Variants in ZNF793 observed in about 807,000 individuals in gnomAD.
The protein encoded by ZNF793 is zinc finger protein 793.
In ZNF793, 5 loss-of-function variants were observed where a neutral mutation model predicts 12.4. The observed-to-expected ratio is 0.40, with a 90% CI of 0.21 to 0.84. The LOEUF is 0.84. ZNF793 is among the 40% of genes least tolerant of loss of function. ZNF793 has a pLI of 0.35. For synonymous variants in ZNF793, 162 were observed against 172.4 expected (o/e 0.94, Z 0.47); for missense variants, 456 against 495.0 (o/e 0.92, Z 0.75).
chr19:37,542,825 T>C lies in ZNF793; in HGVS notation c.*4946T>C, dbSNP rs1424671783. 6.4e-6 allele frequency: 1 copy of C among 156,228 alleles called. No individual in the cohort carries two copies. The highest frequency in any genetic ancestry group is 1.8e-4 in the East Asian group (1 of 5,446). 9.7% of individuals were successfully genotyped at this position (156,228 alleles called of 1,614,324 possible). A position where few individuals can be genotyped will look rare whatever the true frequency, so the allele number is the denominator to read the frequency against. On this transcript the variant is annotated 3_prime_UTR_variant, in exon 8 of 8. Transcript: ENST00000627814. ...GTTTGTCAGCAATAAACGGTATCTA[T>C]ATATGTTTATTTGATTTTATGTGCA...
chr19:37,536,381 G>T (rs1028854141), intron 7 of ZNF793: 9 of 399,150 alleles, frequency 2.3e-5, no homozygotes, highest in African/African-American at 1.6e-4. Context: ...CAAGCTCCAA[G>T]TAAGGCCAAA....
intron 2 of ZNF793, among the ~76,000 whole-genome samples, chr19:37,515,807 C>T (rs2042327596): frequency 1.3e-5 from 2 of 152,164 alleles, no homozygotes; most frequent in Admixed American, 1.3e-4. Flanking sequence ...GATTGGAAGA[C>T]TCGACAATTT....
At chr19:37,520,968 C>G (rs1443928320) in intron 3 of ZNF793, among the ~76,000 whole-genome samples, 1 of 151,458 alleles carries the variant, frequency 6.6e-6, no homozygotes, top group Non-Finnish European at 1.5e-5. Context: ...GAATTACAGA[C>G]ATGCACCACC....
intron 3 of ZNF793, among the ~76,000 whole-genome samples, chr19:37,521,417 A>C (rs1222334429): frequency 7.1e-6 from 1 of 141,518 alleles, no homozygotes; most frequent in Non-Finnish European, 1.5e-5. Context: ...ATCACCATGC[A>C]TGGTCAATTC....
intron 3 of ZNF793, 116 bp downstream of exon 3, chr19:37,520,428 C>G (rs534569139): frequency 6.6e-6 from 1 of 152,356 alleles, no homozygotes. Flanking sequence ...CACTCAGACC[C>G]CATACCTCTT....
At chr19:37,515,446 C>A (rs1014711640) in intron 2 of ZNF793, among the ~76,000 whole-genome samples, 1 of 151,898 alleles carries the variant, frequency 6.6e-6, no homozygotes, top group East Asian at 1.9e-4. Flanking sequence ...TAGCTAGGAC[C>A]ACAGGTGCCC....
intron 7 of ZNF793, 39 bp downstream of exon 7, chr19:37,533,442 G>A: frequency 1.3e-6 from 2 of 1,570,526 alleles, no homozygotes; most frequent in Non-Finnish European, 1.8e-6. Flanking sequence ...TACTGAAGGA[G>A]GCTGGCACCT....
chr19:37,523,506 G>A, intron 5 of ZNF793, 52 bp downstream of exon 5: 1 of 1,578,532 alleles, frequency 6.3e-7, no homozygotes, highest in South Asian at 1.1e-5. Context: ...AACTGTCCTA[G>A]AGGAAAAAAA....
intron 3 of ZNF793, among the ~76,000 whole-genome samples, chr19:37,520,980 T>G (rs2042370380): frequency 6.6e-6 from 1 of 151,838 alleles, no homozygotes; most frequent in Non-Finnish European, 1.5e-5. Flanking sequence ...TGCACCACCA[T>G]GCCCGGCTAA....
At chr19:37,517,662 C>T (rs976548363) in intron 2 of ZNF793, among the ~76,000 whole-genome samples, 2 of 151,938 alleles carry the variant, frequency 1.3e-5, no homozygotes, top group East Asian at 1.9e-4. Flanking sequence ...GAGTAGGACT[C>T]GGTTTAGAGG....
Position 37,537,308 on chromosome 19 carries a change from G to A in ZNF793, c.650G>A (p.Arg217Gln), listed in dbSNP as rs777574205. 8.7e-6 allele frequency: 14 copies of A among 1,613,558 alleles called. No homozygotes were observed. The highest frequency in any genetic ancestry group is 4.0e-5 in the African/African-American group (3 of 74,908). The change falls in exon 8 of 8, where the codon CGG (arginine) becomes CAG (glutamine). Residue 217 changes from arginine to glutamine, a missense_variant. Coordinates refer to ENST00000627814, the MANE Select transcript of ZNF793 (RefSeq NM_001013659.3). ...PAVSDSLLYK[R>Q]KRVPPTEKPH... is the part of the protein sequence containing the mutation. ...GTAAGTGATTCTCTCTTGTACAAAC[G>A]GAAGAGGGTTCCACCTACAGAAAAA...
intron 2 of ZNF793, among the ~76,000 whole-genome samples, chr19:37,510,628 G>A (rs2042286461): frequency 6.6e-6 from 1 of 151,260 alleles, no homozygotes; most frequent in Non-Finnish European, 1.5e-5. Context: ...AGGTTGCAGT[G>A]AGCTATGATT....
chr19:37,509,091 T>C lies in ZNF793; in HGVS notation c.-276+688T>C, dbSNP rs145690824. Among the ~76,000 whole-genome samples the C allele has an allele frequency of 1.9e-3, 291 of 152,330 alleles. 1 individual carries two copies. Among genetic ancestry groups the C allele is most frequent in the African/African-American group, 6.7e-3 (278 of 41,578 alleles). On this transcript the variant is annotated intron_variant, in intron 2 of 7. Coordinates refer to ENST00000627814, the MANE Select transcript of ZNF793 (RefSeq NM_001013659.3). ...GATTGCAAATAAAATGGAAATAAGA[T>C]TTGAAAAAATAGATTTAGGGGATAT...
In ZNF793 at chr19:37,506,955, C is replaced by T. The variant is rs978929213; in HGVS notation, c.-426C>T. On this transcript the variant is annotated 5_prime_UTR_variant, in exon 1 of 8. Transcript: ENST00000627814. ...GCACCGGCCATTCAGGATGGGACGA[C>T]CTTATACCGCGGTGAGGCGGCGTGG... 3.9e-5 allele frequency: 6 copies of T among 152,368 alleles called. No homozygotes were observed. The highest frequency in any genetic ancestry group is 3.9e-4 in the Admixed American group (6 of 15,302). 9.4% of individuals were successfully genotyped at this position (152,368 alleles called of 1,614,324 possible). A position where few individuals can be genotyped will look rare whatever the true frequency, so the allele number is the denominator to read the frequency against.
At chr19:37,528,479 C>T (rs184581725) in intron 5 of ZNF793, among the ~76,000 whole-genome samples, 118 of 152,088 alleles carry the variant, frequency 7.8e-4, no homozygotes, top group Middle Eastern at 3.4e-3. Flanking sequence ...GGCCCAAGAC[C>T]ACTAGGTAAA....
chr19:37,520,375 C>T (rs1001754358), intron 3 of ZNF793, 63 bp downstream of exon 3: 2 of 152,230 alleles, frequency 1.3e-5, no homozygotes, highest in African/African-American at 4.8e-5. Context: ...AGACACTGTC[C>T]AGGAGAAGGG....
At position 37,533,342 on chromosome 19, in the gene ZNF793, A is replaced by T; in HGVS notation, c.177A>T (p.Arg59Ser). The stretch of plus-strand genomic sequence containing the variant: ...GCACCAAACCAGATGTGATCCTCAG[A>T]CTGGAGCAGGAAGAAGCACCATGGA... Reference protein sequence around the residue: ...YEGTKPDVILRLEQEEAPWIG... With the variant: ...YEGTKPDVILSLEQEEAPWIG... Residue 59 changes from arginine to serine, a missense_variant, in exon 7 of 8, where the codon AGA becomes AGT. By Grantham distance (110) the Arg-to-Ser change is moderately radical. Coordinates refer to ENST00000627814, the MANE Select transcript of ZNF793 (RefSeq NM_001013659.3). The T allele has an allele frequency of 6.2e-7, 1 of 1,613,942 alleles. No individual in the cohort carries two copies. Among genetic ancestry groups the T allele is most frequent in the South Asian group, 1.1e-5 (1 of 91,076 alleles).
rs774810753 is a variant in ZNF793 at position 37,537,722 on chromosome 19, A to G, written c.1064A>G (p.Asn355Ser). 5 of 1,613,936 alleles carry G rather than the reference A, an allele frequency of 3.1e-6. No homozygotes were observed. The highest frequency in any genetic ancestry group is 3.3e-5 in the Admixed American group (2 of 59,986). ...GKSFSQKSCL[N>S]KHWRTHTGEK... ...TCCTTCAGCCAGAAGTCATGCCTCA[A>G]TAAACATTGGAGAACTCACACAGGA... The change falls in exon 8 of 8, where the codon AAT (asparagine) becomes AGT (serine). Residue 355 changes from asparagine (N) to serine (S), a missense_variant. Asn to Ser is a conservative substitution (Grantham distance 46, BLOSUM62 1). Coordinates refer to ENST00000627814, the MANE Select transcript of ZNF793 (RefSeq NM_001013659.3).
Sources: allele counts gnomAD v4.1 joint callset (sites outside exome capture counted in the v4.1 genomes callset), GRCh38; gene constraint gnomAD v4.1.1; transcripts MANE v1.5; gene names NCBI Gene and HGNC (gene_info 2026-07-23, HGNC 2026-07-21).